Variants in CCSER2 observed in about 807,000 individuals in gnomAD.
CCSER2 encodes serine-rich coiled-coil domain-containing protein 2.
CCSER2 carries 46 observed loss-of-function variants against 92.3 expected under a neutral mutation model. That is an observed-to-expected ratio of 0.50 (90% CI 0.39 to 0.64). The LOEUF is 0.64. Among genes scored for constraint, CCSER2 ranks in the 30% least tolerant of loss-of-function variants. The pLI is 0.00. For synonymous variants in CCSER2, 433 were observed against 431.4 expected (o/e 1.00, Z -0.04); for missense variants, 1,244 against 1,238.9 (o/e 1.00, Z -0.06).
intron 4 of CCSER2, among the ~76,000 whole-genome samples, chr10:84,419,065 C>G (rs1351677831): frequency 6.6e-6 from 1 of 151,922 alleles, no homozygotes; most frequent in African/African-American, 2.4e-5. Context: ...GTAAGATTTA[C>G]AGAAGTTTCC....
intron 3 of CCSER2, among the ~76,000 whole-genome samples, chr10:84,403,530 A>G (rs10887282): frequency 0.047 from 7,167 of 152,288 alleles, 246 homozygotes; most frequent in East Asian, 0.16. Context: ...TGCAAACCAT[A>G]TATCTGACAA....
At chr10:84,369,144 GT>G (rs143337539) in intron 1 of CCSER2, among the ~76,000 whole-genome samples, 31,073 of 143,340 alleles carry the variant, frequency 0.22, 3,357 homozygotes, top group Admixed American at 0.34. Flanking sequence ...ACATATGCAG[GT>G]TTTTTTTTTT....
At chr10:84,425,550 A>G (rs1326421448) in intron 4 of CCSER2, among the ~76,000 whole-genome samples, 181 bp from the exon 5 acceptor site, 1 of 152,234 alleles carries the variant, frequency 6.6e-6, no homozygotes, top group Non-Finnish European at 1.5e-5. Flanking sequence ...TATTAAGTTC[A>G]GTTTTCACCA....
chr10:84,509,253 A>G (rs191881985), intron 9 of CCSER2, among the ~76,000 whole-genome samples: 1 of 152,314 alleles, frequency 6.6e-6, no homozygotes, highest in East Asian at 1.9e-4. Context: ...TCACTTTGGT[A>G]ATTCTTGGCC....
chr10:84,505,008 C>T (rs1848968642), intron 9 of CCSER2, among the ~76,000 whole-genome samples: 1 of 152,018 alleles, frequency 6.6e-6, no homozygotes, highest in South Asian at 2.1e-4. Context: ...AATGTAGTGA[C>T]TCATTATGGA....
intron 2 of CCSER2, 133 bp from the exon 3 acceptor site, chr10:84,373,486 A>T (rs1472734764): frequency 4.8e-6 from 3 of 627,292 alleles, no homozygotes; most frequent in East Asian, 5.5e-5. Context: ...AGGATATAGA[A>T]AATGCTACAG....
Position 84,373,723 on chromosome 10 carries a change from G to T in CCSER2, c.1522G>T (p.Asp508Tyr). The change falls in exon 3 of 10, where the codon GAT (aspartate) becomes TAT (tyrosine). Residue 508 changes from aspartate (D) to tyrosine (Y), a missense_variant. Transcript: ENST00000372088. ...SFELSPSDSS[D>Y]GTYMWDEEGL... Reference sequence around the variant, plus strand: ...TGAACTCTCTCCATCTGATAGCTCTGATGGAACATACATGTGGGATGAAGA... The same window carrying T: ...TGAACTCTCTCCATCTGATAGCTCTTATGGAACATACATGTGGGATGAAGA... 6.2e-7 allele frequency: 1 copy of T among 1,613,796 alleles called. No homozygotes were observed. Among genetic ancestry groups the T allele is most frequent in the South Asian group, 1.1e-5 (1 of 91,076 alleles).
chr10:84,385,433 A>G lies in CCSER2; in HGVS notation c.1614+11618A>G, dbSNP rs867311802. ...CACATTGATTAATGGAACAGAATAGAGAACCAAGAAGTAAAGCCACATGCA... is the reference window on the plus strand; with the variant it reads ...CACATTGATTAATGGAACAGAATAGGGAACCAAGAAGTAAAGCCACATGCA... On this transcript the variant is annotated intron_variant, in intron 3 of 9. Transcript: ENST00000372088. Among the ~76,000 whole-genome samples, 10 of 152,348 alleles carry G rather than the reference A, an allele frequency of 6.6e-5. No individual in the cohort carries two copies. The East Asian group carries it at 1.9e-3, about 29-fold the overall frequency.
intron 1 of CCSER2, among the ~76,000 whole-genome samples, chr10:84,349,772 G>A (rs1031553970): frequency 2.0e-5 from 3 of 152,130 alleles, no homozygotes; most frequent in African/African-American, 7.2e-5. Context: ...GACTCCTACC[G>A]ACTTTCCTAC....
intron 3 of CCSER2, among the ~76,000 whole-genome samples, chr10:84,416,662 C>T (rs939993574): frequency 6.6e-6 from 1 of 152,136 alleles, no homozygotes; most frequent in African/African-American, 2.4e-5. Flanking sequence ...GGCGCGGTAG[C>T]TCAAGTCTGT....
chr10:84,499,928 C>G, intron 9 of CCSER2: 1 of 1,613,864 alleles, frequency 6.2e-7, no homozygotes, highest in African/African-American at 1.3e-5. Context: ...TCCAGGGGAT[C>G]CCACGGACTG....
chr10:84,387,740 G>A (rs1454718662), intron 3 of CCSER2, among the ~76,000 whole-genome samples: 1 of 152,108 alleles, frequency 6.6e-6, no homozygotes, highest in East Asian at 1.9e-4. Context: ...GTGTTAGCCA[G>A]GATGGTCTCG....
At chr10:84,361,906 C>T (rs1031382998) in intron 1 of CCSER2, among the ~76,000 whole-genome samples, 8 of 152,184 alleles carry the variant, frequency 5.3e-5, no homozygotes, top group Non-Finnish European at 1.2e-4. Context: ...TCCCAAAGTG[C>T]TGGGATTACA....
intron 5 of CCSER2, among the ~76,000 whole-genome samples, chr10:84,428,860 T>C (rs1442653068): frequency 6.6e-6 from 1 of 152,004 alleles, no homozygotes; most frequent in Non-Finnish European, 1.5e-5. Context: ...ATGGAGATAA[T>C]CTTTTTTTTC....
intron 6 of CCSER2, among the ~76,000 whole-genome samples, chr10:84,439,784 A>C (rs1250201347): frequency 2.0e-5 from 3 of 152,220 alleles, no homozygotes; most frequent in African/African-American, 4.8e-5. Flanking sequence ...GGCAGAAATA[A>C]ATTATATGAT....
chr10:84,400,109 T>G (rs1242931617), intron 3 of CCSER2, among the ~76,000 whole-genome samples: 2 of 152,090 alleles, frequency 1.3e-5, no homozygotes, highest in African/African-American at 4.8e-5. Flanking sequence ...GTTGTAAGAG[T>G]TGTTTATATT....
At chr10:84,398,121 G>A (rs1254881632) in intron 3 of CCSER2, among the ~76,000 whole-genome samples, 1 of 152,136 alleles carries the variant, frequency 6.6e-6, no homozygotes, top group East Asian at 1.9e-4. Flanking sequence ...AGGGCTAGGT[G>A]CCTTCCTGGA....
intron 1 of CCSER2, among the ~76,000 whole-genome samples, chr10:84,330,757 C>T (rs1382490518): frequency 3.9e-5 from 6 of 152,068 alleles, no homozygotes; most frequent in Non-Finnish European, 7.4e-5. Context: ...CCGCCCACCT[C>T]GGCCTCCCAA....
At chr10:84,456,143 C>T in intron 6 of CCSER2, 1 of 314,998 alleles carries the variant, frequency 3.2e-6, no homozygotes, top group South Asian at 3.2e-5. Flanking sequence ...AAATCAAACA[C>T]AGACCCCCAC....
Sources: gnomAD v4.1 joint callset for allele counts (sites outside exome capture counted in the v4.1 genomes callset) on GRCh38, gnomAD v4.1.1 for gene constraint, MANE v1.5 for transcripts, NCBI Gene and HGNC (gene_info 2026-07-23, HGNC 2026-07-21) for gene names.